ANKFN1: variants seen among roughly 807,000 people sequenced by gnomAD.
ANKFN1 encodes ankyrin repeat and fibronectin type-III domain-containing protein 1.
Under a neutral mutation model 108.7 loss-of-function variants are expected in ANKFN1, and 74 were observed. The ratio of observed to expected loss-of-function variants is 0.68; its 90% CI spans 0.56 to 0.83. ANKFN1 has a LOEUF of 0.83. Among genes scored for constraint, ANKFN1 ranks in the 40% least tolerant of loss-of-function variants. ANKFN1 has a pLI of 0.00. For synonymous variants in ANKFN1, 547 were observed against 516.2 expected, an observed-to-expected ratio of 1.06 and a Z score of -0.81; for missense variants, 1,505 against 1,382.3, an observed-to-expected ratio of 1.09 and a Z score of -1.41.
chr17:56,238,566 G>A (rs942260769), intron 3 of ANKFN1, among the ~76,000 whole-genome samples: 1 of 151,926 alleles, frequency 6.6e-6, no homozygotes, highest in Non-Finnish European at 1.5e-5. Context: ...ATCTTTGTTG[G>A]TTTAAAGTCT....
intron 19 of ANKFN1, among the ~76,000 whole-genome samples, chr17:56,498,140 A>G (rs911184851): frequency 2.6e-5 from 4 of 152,282 alleles, no homozygotes; most frequent in Non-Finnish European, 5.9e-5. Flanking sequence ...TACTCTAGAA[A>G]TGTAAGGATG....
At chr17:56,384,693 A>C (rs2144836462) in intron 8 of ANKFN1, among the ~76,000 whole-genome samples, 1 of 152,330 alleles carries the variant, frequency 6.6e-6, no homozygotes, top group African/African-American at 2.4e-5. Context: ...ACAGAGAGCC[A>C]AATCATGAGT....
chr17:56,051,672 A>C (rs1904777831), intron 4 of ANKFN1, among the ~76,000 whole-genome samples: 1 of 131,800 alleles, frequency 7.6e-6, no homozygotes, highest in Admixed American at 7.6e-5. Context: ...AGAAAACCTC[A>C]TTGTCTCAGC....
At chr17:56,091,049 G>T (rs1297497660) in intron 4 of ANKFN1, among the ~76,000 whole-genome samples, 1 of 151,254 alleles carries the variant, frequency 6.6e-6, no homozygotes, top group East Asian at 1.9e-4. Context: ...GCAGAGACTG[G>T]TGCACTATTT....
intron 3 of ANKFN1, among the ~76,000 whole-genome samples, chr17:56,278,213 C>G (rs1236920915): frequency 3.9e-5 from 6 of 152,164 alleles, no homozygotes; most frequent in Admixed American, 3.3e-4. Context: ...CTTTGCCAAT[C>G]TCTCTTCCTT....
In ANKFN1 at chr17:56,515,771, A is replaced by G. The variant is rs1006815779; in HGVS notation, c.*4502A>G. Among the ~76,000 whole-genome samples, 1 of 152,208 alleles carries G rather than the reference A, an allele frequency of 6.6e-6. No homozygotes were observed. Among genetic ancestry groups the G allele is most frequent in the Non-Finnish European group, 1.5e-5 (1 of 68,028 alleles). On this transcript the variant is annotated 3_prime_UTR_variant, in exon 21 of 21. Coordinates refer to ENST00000682825, the MANE Select transcript of ANKFN1 (RefSeq NM_001370326.1). ...TTCGGGTCTCTGCTTTTTCCACTGC[A>G]TCTGCACACAGTAGTTATATTTGTT...
chr17:56,360,644 A>G (rs2046492401), intron 6 of ANKFN1, among the ~76,000 whole-genome samples: 2 of 152,196 alleles, frequency 1.3e-5, no homozygotes, highest in Admixed American at 6.5e-5. Flanking sequence ...GGGTGTCAAT[A>G]TATTATCCCT....
At chr17:56,138,338 T>C (rs1907710975) in intron 4 of ANKFN1, among the ~76,000 whole-genome samples, 3 of 152,168 alleles carry the variant, frequency 2.0e-5, no homozygotes, top group African/African-American at 7.2e-5. Flanking sequence ...AGTTATTTGC[T>C]GACCACTGGA....
intron 4 of ANKFN1, among the ~76,000 whole-genome samples, chr17:56,346,726 C>T (rs937160898): frequency 2.2e-4 from 25 of 111,330 alleles, no homozygotes; most frequent in Admixed American, 1.0e-3. Context: ...TTCCCATTGA[C>T]GTACTATTTT....
At chr17:56,401,381 G>GTGTTT (rs2047761158) in intron 8 of ANKFN1, among the ~76,000 whole-genome samples, 2 of 35,388 alleles carry the variant, frequency 5.7e-5, no homozygotes, top group Admixed American at 5.7e-4. Flanking sequence ...GTGTTGTGTT[G>GTGTTT]TGTTGTGTTG....
chr17:56,438,637 G>A (rs2049000316), intron 8 of ANKFN1, among the ~76,000 whole-genome samples: 1 of 152,082 alleles, frequency 6.6e-6, no homozygotes, highest in South Asian at 2.1e-4. Flanking sequence ...ACAACTCACT[G>A]CAATCTTGAA....
At position 56,318,608 on chromosome 17, in the gene ANKFN1, C is replaced by T. The variant is rs576921106; in HGVS notation, c.54-7613C>T. ...TAGGCTGTGCTGAGAGTTTTAACAT[C>T]GTTATAAATACTACAAGGAGAGAGG... On this transcript the variant is annotated intron_variant, in intron 3 of 20. Coordinates refer to ENST00000682825, the MANE Select transcript of ANKFN1 (RefSeq NM_001370326.1). 2.6e-5 allele frequency among the ~76,000 whole-genome samples: 4 copies of T among 152,178 alleles called. No individual in the cohort carries two copies. In the South Asian group the frequency reaches 6.2e-4, roughly 24 times the overall value.
At chr17:56,148,211 G>A (rs1180565922) in intron 4 of ANKFN1, among the ~76,000 whole-genome samples, 3 of 152,184 alleles carry the variant, frequency 2.0e-5, no homozygotes, top group Non-Finnish European at 4.4e-5. Context: ...AAATTTCTTA[G>A]CAGATGTAAA....
At chr17:56,165,871 C>G (rs954545358) in intron 1 of ANKFN1, among the ~76,000 whole-genome samples, 1 of 152,124 alleles carries the variant, frequency 6.6e-6, no homozygotes, top group African/African-American at 2.4e-5. Context: ...CTGTTGAAAT[C>G]ACACTCATCC....
At chr17:56,322,323 A>G (rs552094459) in intron 3 of ANKFN1, among the ~76,000 whole-genome samples, 24 of 152,044 alleles carry the variant, frequency 1.6e-4, no homozygotes, top group Non-Finnish European at 3.4e-4. Flanking sequence ...TTCTATCTCC[A>G]AATATAAGAC....
chr17:56,343,663 T>C (rs1186465710), intron 4 of ANKFN1, among the ~76,000 whole-genome samples: 1 of 151,930 alleles, frequency 6.6e-6, no homozygotes, highest in Non-Finnish European at 1.5e-5. Flanking sequence ...TTTCTTCAAA[T>C]AGCCTTTCTA....
chr17:56,095,844 A>G (rs539816326), intron 4 of ANKFN1, among the ~76,000 whole-genome samples: 1 of 152,326 alleles, frequency 6.6e-6, no homozygotes, highest in East Asian at 1.9e-4. Context: ...GACTTAGTTA[A>G]GTCAACAAAT....
chr17:56,328,111 A>T (rs2045570909), intron 4 of ANKFN1, among the ~76,000 whole-genome samples: 2 of 152,220 alleles, frequency 1.3e-5, no homozygotes, highest in Non-Finnish European at 2.9e-5. Context: ...GATTAGTGAT[A>T]ACTGATTTGC....
chr17:56,152,775 G>C (rs1231896638), upstream of ANKFN1, among the ~76,000 whole-genome samples: 3 of 152,168 alleles, frequency 2.0e-5, no homozygotes, highest in African/African-American at 7.2e-5. Context: ...TTTGACAAAT[G>C]GGTTTTCAAA....
Sources: gnomAD v4.1 joint callset for allele counts (sites outside exome capture counted in the v4.1 genomes callset) on GRCh38, gnomAD v4.1.1 for gene constraint, MANE v1.5 for transcripts, NCBI Gene and HGNC (gene_info 2026-07-23, HGNC 2026-07-21) for gene names.